The following IL13RA1 variants were observed in gnomAD, a reference collection of about 807,000 sequenced individuals.
The protein encoded by IL13RA1 is interleukin 13 receptor subunit alpha 1.
A neutral mutation model predicts 33.8 loss-of-function variants in IL13RA1; 14 were observed. The ratio of observed to expected loss-of-function variants is 0.41; its 90% CI spans 0.27 to 0.65. The LOEUF is 0.65. IL13RA1 is among the 30% of genes least tolerant of loss of function. The probability of loss-of-function intolerance (pLI) is 0.28; values close to 1 mark genes in which losing one functional copy is unlikely to be tolerated. For missense variants in IL13RA1, 313 were observed against 327.0 expected (o/e 0.96, Z 0.33); for synonymous variants, 116 against 115.7 (o/e 1.00, Z -0.02).
At chrX:118,772,739 T>C (rs1285924350) in intron 8 of IL13RA1, among the ~76,000 whole-genome samples, 1 of 112,415 alleles carries the variant, frequency 8.9e-6, no homozygotes, top group Admixed American at 9.4e-5. Context: ...ACTCCTTCCT[T>C]TAAAGCAGCA....
intron 9 of IL13RA1, among the ~76,000 whole-genome samples, chrX:118,774,771 T>G (rs896101996): frequency 2.7e-5 from 3 of 112,215 alleles, no homozygotes; most frequent in Non-Finnish European, 5.6e-5. Context: ...TCTATCTCAT[T>G]ATAGGACTGT....
intron 1 of IL13RA1, among the ~76,000 whole-genome samples, chrX:118,731,631 A>G (rs1025697184): frequency 3.6e-5 from 4 of 112,118 alleles, no homozygotes; most frequent in African/African-American, 1.3e-4. Flanking sequence ...AAAGAAATAA[A>G]GCAGATAGCT....
At chrX:118,743,351 T>C (rs2017366414) in intron 2 of IL13RA1, among the ~76,000 whole-genome samples, 2 of 111,909 alleles carry the variant, frequency 1.8e-5, no homozygotes, top group Admixed American at 1.9e-4. Flanking sequence ...CTAAATGAGA[T>C]AAACCCTTGA....
chrX:118,770,052 C>T (rs2017695296), intron 8 of IL13RA1: 15 of 247,169 alleles, frequency 6.1e-5, no homozygotes, highest in South Asian at 6.0e-4. Flanking sequence ...GGCTGTGTGC[C>T]ACTGCCCATC....
intron 10 of IL13RA1, among the ~76,000 whole-genome samples, chrX:118,788,580 ACTT>A (rs2017944602): frequency 9.0e-6 from 1 of 111,656 alleles, no homozygotes; most frequent in Admixed American, 9.6e-5. Context: ...AGCTGAAAAT[ACTT>A]CTTATCTAGC....
chrX:118,789,259 T>C (rs2017952742), intron 10 of IL13RA1, among the ~76,000 whole-genome samples: 1 of 112,161 alleles, frequency 8.9e-6, no homozygotes, highest in African/African-American at 3.2e-5. Context: ...CCAGGTTACA[T>C]ATGGAGAGTA....
At chrX:118,795,211 CAAA>C (rs1222782237), downstream of IL13RA1, among the ~76,000 whole-genome samples, 10 of 27,000 alleles carry the variant, frequency 3.7e-4, no homozygotes, top group Admixed American at 1.4e-3. Flanking sequence ...GACTCCGTCT[CAAA>C]AAAAAAAAAA....
At chrX:118,731,782 G>T (rs1270671162) in intron 1 of IL13RA1, among the ~76,000 whole-genome samples, 1 of 111,868 alleles carries the variant, frequency 8.9e-6, no homozygotes, top group Non-Finnish European at 1.9e-5. Context: ...AAATAGAGAG[G>T]TTAAGTAATT....
Position 118,730,139 on chromosome X carries a change from AAT to A in IL13RA1, c.88+2415_88+2416del, listed in dbSNP as rs1489918908. ...ACATGGCAAAACCCCGTCTACTAAA[AAT>A]ACAAAAATTAGCCGAGTGTGGGATT... On this transcript the variant is annotated intron_variant, in intron 1 of 10. Transcript: ENST00000371666. 3.6e-5 allele frequency among the ~76,000 whole-genome samples: 4 copies of A among 111,876 alleles called. 1 individual carries two copies. Among genetic ancestry groups the A allele is most frequent in the Admixed American group, 2.8e-4 (3 of 10,545 alleles).
chrX:118,774,960 C>G (rs1302111367), intron 9 of IL13RA1, among the ~76,000 whole-genome samples: 1 of 111,339 alleles, frequency 9.0e-6, no homozygotes, highest in East Asian at 2.8e-4. Context: ...AAAGTTACAG[C>G]AGTGAACAGG....
chrX:118,766,976 G>A lies in IL13RA1; in HGVS notation c.1009G>A (p.Gly337Ser). The A allele has an allele frequency of 9.4e-7, 1 of 1,067,383 alleles. No homozygotes were observed. Among genetic ancestry groups the A allele is most frequent in the Non-Finnish European group, 1.3e-6 (1 of 785,124 alleles). 88.0% of individuals were successfully genotyped at this position (1,067,383 alleles called of 1,213,427 possible). Residue 337 changes from glycine to serine, a missense_variant and splice_region_variant, in exon 8 of 11, where the codon GGT (glycine) becomes AGT (serine). Coordinates refer to ENST00000371666, the MANE Select transcript of IL13RA1 (RefSeq NM_001560.3). ...WSNWSQEMSI[G>S]KKRNSTLYIT... Reference sequence around the variant, plus strand: ...TAATTGGAGCCAAGAAATGAGTATAGGTAAGAGAACAGAATTTTTATTAAA... The same window carrying A: ...TAATTGGAGCCAAGAAATGAGTATAAGTAAGAGAACAGAATTTTTATTAAA...
At chrX:118,782,139 C>T (rs944839973) in intron 10 of IL13RA1, among the ~76,000 whole-genome samples, 4 of 111,347 alleles carry the variant, frequency 3.6e-5, no homozygotes, top group Admixed American at 9.5e-5. Flanking sequence ...GTGATGCAAC[C>T]TCTGCTCACT....
chrX:118,780,968 G>A (rs1270048753), intron 10 of IL13RA1, among the ~76,000 whole-genome samples: 1 of 112,002 alleles, frequency 8.9e-6, no homozygotes, highest in African/African-American at 3.2e-5. Flanking sequence ...AACTTATTTA[G>A]TTATGGCCAT....
chrX:118,804,829 C>A, the IL13RA1 span, among the ~76,000 whole-genome samples: 1 of 112,251 alleles, frequency 8.9e-6, no homozygotes, highest in Non-Finnish European at 1.9e-5. Context: ...AATTGTCCCA[C>A]AGAGCTGATG....
downstream of IL13RA1, among the ~76,000 whole-genome samples, chrX:118,797,242 A>G (rs1179675033): frequency 8.9e-6 from 1 of 112,407 alleles, no homozygotes; most frequent in Non-Finnish European, 1.9e-5. Context: ...GACATCCAAT[A>G]AAGGTTAAGA....
chrX:118,801,591 A>G, the IL13RA1 span, among the ~76,000 whole-genome samples: 1 of 111,840 alleles, frequency 8.9e-6, no homozygotes, highest in African/African-American at 3.3e-5. Flanking sequence ...AGATTTTCTT[A>G]ACTTGATCTA....
intron 1 of IL13RA1, among the ~76,000 whole-genome samples, chrX:118,739,200 C>A (rs959883777): frequency 8.9e-6 from 1 of 112,284 alleles, no homozygotes; most frequent in Non-Finnish European, 1.9e-5. Flanking sequence ...TCATCAACAT[C>A]TGTTTTCTGA....
the IL13RA1 span, among the ~76,000 whole-genome samples, chrX:118,800,386 C>T: frequency 1.8e-5 from 2 of 110,978 alleles, no homozygotes; most frequent in African/African-American, 3.3e-5. Flanking sequence ...TGCGGCTTCA[C>T]TCCTGAGCCC....
chrX:118,733,730 C>T (rs2017250129), intron 1 of IL13RA1, among the ~76,000 whole-genome samples: 1 of 111,429 alleles, frequency 9.0e-6, no homozygotes, highest in South Asian at 3.7e-4. Context: ...CTTATGTTTT[C>T]TTCTAAAAAT....
Sources: allele counts gnomAD v4.1 joint callset (sites outside exome capture counted in the v4.1 genomes callset), GRCh38; gene constraint gnomAD v4.1.1; transcripts MANE v1.5; gene names NCBI Gene and HGNC (gene_info 2026-07-23, HGNC 2026-07-21).